Variants in SAMD4A observed in about 807,000 individuals in gnomAD.
The protein encoded by SAMD4A is sterile alpha motif domain containing 4A, also known as protein Smaug homolog 1.
A neutral mutation model predicts 81.3 loss-of-function variants in SAMD4A; 33 were observed. The observed-to-expected ratio is 0.41, with a 90% CI of 0.31 to 0.54. The LOEUF (loss-of-function observed/expected upper bound fraction) is 0.54. SAMD4A is among the 20% of genes least tolerant of loss of function. The pLI is 0.37. For missense variants in SAMD4A, 854 were observed against 951.1 expected (o/e 0.90, Z 1.34); for synonymous variants, 389 against 382.1 (o/e 1.02, Z -0.21).
intron 7 of SAMD4A, 126 bp from the exon 8 acceptor site, chr14:54,764,329 A>G: frequency 1.5e-6 from 1 of 675,582 alleles, no homozygotes. Flanking sequence ...CTTTTTTGTG[A>G]GCCTTACATA....
chr14:54,747,631 A>C (rs1414322778), intron 4 of SAMD4A, among the ~76,000 whole-genome samples: 1 of 152,262 alleles, frequency 6.6e-6, no homozygotes, highest in Non-Finnish European at 1.5e-5. Flanking sequence ...ACATTTACCC[A>C]ATGCTTTAGC....
At position 54,606,346 on chromosome 14, in the gene SAMD4A, G is replaced by T. The variant is rs146642923; in HGVS notation, c.196+38234G>T. On this transcript the variant is annotated intron_variant, in intron 2 of 12. Transcript: ENST00000554335. The stretch of plus-strand genomic sequence containing the variant: ...CCTGCCATCCTGATTGGCCATCACA[G>T]ATTCGTATGGCATTGATGTTTACAA... Among the ~76,000 whole-genome samples, 46 of 152,318 alleles carry T rather than the reference G, an allele frequency of 3.0e-4. No homozygotes were observed. In the East Asian group the frequency reaches 8.7e-3, roughly 29 times the overall value.
chr14:54,726,235 A>T (rs1008203480), intron 3 of SAMD4A, among the ~76,000 whole-genome samples: 1 of 152,142 alleles, frequency 6.6e-6, no homozygotes, highest in African/African-American at 2.4e-5. Flanking sequence ...CCTACTTACA[A>T]GGGTGAAAAT....
chr14:54,687,523 C>T (rs2036305973), intron 2 of SAMD4A: 1 of 371,790 alleles, frequency 2.7e-6, no homozygotes, highest in Non-Finnish European at 5.3e-6. Flanking sequence ...AAGTTGTGCT[C>T]ATGCTCCTAA....
chr14:54,566,945 G>C (rs1594670050), upstream of SAMD4A, among the ~76,000 whole-genome samples: 2 of 152,250 alleles, frequency 1.3e-5, no homozygotes, highest in South Asian at 2.1e-4. Flanking sequence ...GGCTGCTCAC[G>C]GCCTAAATCC....
intron 9 of SAMD4A, among the ~76,000 whole-genome samples, chr14:54,770,568 A>G (rs2038675198): frequency 6.6e-6 from 1 of 152,272 alleles, no homozygotes; most frequent in Non-Finnish European, 1.5e-5. Context: ...GAAAGGATAA[A>G]AATGGGTTGT....
intron 2 of SAMD4A, among the ~76,000 whole-genome samples, chr14:54,592,218 G>A (rs1332723446): frequency 6.6e-6 from 1 of 152,066 alleles, no homozygotes; most frequent in Non-Finnish European, 1.5e-5. Flanking sequence ...TCTACATTCT[G>A]GTAGCATTGA....
At chr14:54,661,778 C>T (rs2035647616) in intron 2 of SAMD4A, among the ~76,000 whole-genome samples, 1 of 152,162 alleles carries the variant, frequency 6.6e-6, no homozygotes, top group African/African-American at 2.4e-5. Context: ...TGGAGAAACA[C>T]CTCTACATGG....
intron 2 of SAMD4A, among the ~76,000 whole-genome samples, chr14:54,696,641 A>G (rs2036585016): frequency 6.6e-6 from 1 of 152,252 alleles, no homozygotes; most frequent in African/African-American, 2.4e-5. Context: ...TGTAGCAATA[A>G]TACCAGACTT....
chr14:54,702,658 C>T (rs1177376835), intron 3 of SAMD4A, 78 bp downstream of exon 3: 5 of 1,491,394 alleles, frequency 3.4e-6, no homozygotes, highest in African/African-American at 1.4e-5. Flanking sequence ...CTGACAGTGT[C>T]TGCTCCATGC....
intron 2 of SAMD4A, chr14:54,692,903 A>G (rs573355376): frequency 7.1e-6 from 1 of 140,656 alleles, no homozygotes; most frequent in South Asian, 2.5e-4. Context: ...AATCAGACAT[A>G]TAACAGTCTT....
At position 54,567,889 on chromosome 14, in the gene SAMD4A, T is replaced by G. The variant is rs752516981; in HGVS notation, c.-28T>G. The G allele has an allele frequency of 8.2e-6, 13 of 1,592,852 alleles. No individual in the cohort carries two copies. In the Admixed American group the frequency reaches 2.2e-4, roughly 27 times the overall value. ...GGGCGGGCTGGGGCGCCCAGGGGGC[T>G]CTGTAGACCGAGGGCGGCCCCCTAA... On this transcript the variant is annotated 5_prime_UTR_variant, in exon 2 of 13. Coordinates refer to ENST00000554335, the MANE Select transcript of SAMD4A (RefSeq NM_015589.6).
chr14:54,738,470 T>C (rs559415384), intron 4 of SAMD4A, among the ~76,000 whole-genome samples: 1 of 152,316 alleles, frequency 6.6e-6, no homozygotes, highest in East Asian at 1.9e-4. Flanking sequence ...ATTTCATTGA[T>C]GGTTCCAGGG....
intron 2 of SAMD4A, chr14:54,694,798 A>T (rs1157927298): frequency 1.0e-6 from 1 of 985,316 alleles, no homozygotes; most frequent in African/African-American, 1.7e-5. Flanking sequence ...ACTACTTCCC[A>T]GCTGGCCTGG....
intron 2 of SAMD4A, among the ~76,000 whole-genome samples, chr14:54,644,163 A>T (rs1163455723): frequency 6.6e-6 from 1 of 152,172 alleles, no homozygotes; most frequent in African/African-American, 2.4e-5. Context: ...GCATTTTCAC[A>T]CACATTTCTT....
intron 2 of SAMD4A, among the ~76,000 whole-genome samples, chr14:54,670,339 C>T (rs1362656789): frequency 6.6e-6 from 1 of 152,160 alleles, no homozygotes; most frequent in Non-Finnish European, 1.5e-5. Context: ...GGTAGCTTTT[C>T]ACATAAAAGA....
At chr14:54,577,122 G>T (rs1291227995) in intron 2 of SAMD4A, among the ~76,000 whole-genome samples, 3 of 152,248 alleles carry the variant, frequency 2.0e-5, no homozygotes, top group Non-Finnish European at 4.4e-5. Context: ...GGGATCCTCT[G>T]AGGAGCCACA....
chr14:54,657,371 A>G (rs1298458739), intron 2 of SAMD4A, among the ~76,000 whole-genome samples: 1 of 152,218 alleles, frequency 6.6e-6, no homozygotes, highest in Non-Finnish European at 1.5e-5. Flanking sequence ...CATCTCTTCA[A>G]GGACAGGTGT....
chr14:54,739,917 C>G (rs2037804452), intron 4 of SAMD4A, among the ~76,000 whole-genome samples: 1 of 152,204 alleles, frequency 6.6e-6, no homozygotes, highest in Admixed American at 6.5e-5. Flanking sequence ...CGCCTGTAAT[C>G]CCAACACTTT....
Sources: gnomAD v4.1 joint callset for allele counts (sites outside exome capture counted in the v4.1 genomes callset) on GRCh38, gnomAD v4.1.1 for gene constraint, MANE v1.5 for transcripts, NCBI Gene and HGNC (gene_info 2026-07-23, HGNC 2026-07-21) for gene names.